The following PIGZ variants were observed in gnomAD, a reference collection of about 807,000 sequenced individuals.
PIGZ encodes the protein GPI alpha-1,2-mannosyltransferase 4.
In PIGZ, 16 loss-of-function variants were observed where a neutral mutation model predicts 16.4. The ratio of observed to expected loss-of-function variants is 0.97; its 90% CI spans 0.66 to 1.48. PIGZ has a LOEUF of 1.48. PIGZ is among the 40% of genes most tolerant of loss of function. The pLI, the probability that PIGZ is intolerant of heterozygous loss-of-function variation, is 0.00. For synonymous variants in PIGZ, 409 were observed against 338.4 expected, an observed-to-expected ratio of 1.21 and a Z score of -2.29; for missense variants, 770 against 739.2, an observed-to-expected ratio of 1.04 and a Z score of -0.48.
chr3:196,957,357 A>C (rs1415092679), intron 1 of PIGZ, among the ~76,000 whole-genome samples: 2 of 150,342 alleles, frequency 1.3e-5, no homozygotes, highest in Non-Finnish European at 3.0e-5. Flanking sequence ...TCAGTCCTGT[A>C]GGGATGGAAT....
chr3:196,961,237 C>T (rs1174884495), intron 1 of PIGZ, among the ~76,000 whole-genome samples: 2 of 152,138 alleles, frequency 1.3e-5, no homozygotes, highest in African/African-American at 4.8e-5. Flanking sequence ...TCTCCTGAGT[C>T]CTCACTTTCC....
At chr3:196,962,255 C>T (rs1717749645) in intron 1 of PIGZ, among the ~76,000 whole-genome samples, 1 of 152,154 alleles carries the variant, frequency 6.6e-6, no homozygotes, top group Non-Finnish European at 1.5e-5. Context: ...GCTTTGTTAA[C>T]AATGTGTTTG....
At chr3:196,962,458 A>C (rs946045199) in intron 1 of PIGZ, among the ~76,000 whole-genome samples, 15 of 152,152 alleles carry the variant, frequency 9.9e-5, no homozygotes, top group Non-Finnish European at 2.2e-4. Context: ...CCCCAGCCGG[A>C]CACCCATAAA....
At chr3:196,964,032 T>TTCA (rs1434193017) in intron 1 of PIGZ, among the ~76,000 whole-genome samples, 6 of 150,436 alleles carry the variant, frequency 4.0e-5, no homozygotes, top group Admixed American at 2.0e-4. Context: ...ATTTGTTTGC[T>TTCA]TTTATTTTTA....
chr3:196,948,666 C>T lies in PIGZ; in HGVS notation c.231G>A (p.Gln77=). 2.7e-6 allele frequency: 4 copies of T among 1,457,956 alleles called. No individual in the cohort carries two copies. The highest frequency in any genetic ancestry group is 3.6e-6 in the Non-Finnish European group (4 of 1,107,500). 90.3% of individuals were successfully genotyped at this position (1,457,956 alleles called of 1,614,324 possible). A position where few individuals can be genotyped will look rare whatever the true frequency, so the allele number is the denominator to read the frequency against. The part of the protein sequence containing the change: ...EVMAEDILGV[Q]AARPWEFYPS... ...GGTAAAACTCCCAGGGCCGCGCGGC[C>T]TGAACGCCCAGGATGTCCTCTGCAG... is the stretch of plus-strand genomic sequence containing the variant. The change falls in exon 3 of 3, where the codon CAG becomes CAA. Residue 77 remains glutamine (Q), a synonymous_variant. Transcript: ENST00000412723.
At position 196,965,047 on chromosome 3, in the gene PIGZ, T is replaced by C. The variant is rs1458187274; in HGVS notation, c.-1+3640A>G. 2.0e-5 allele frequency among the ~76,000 whole-genome samples: 3 copies of C among 152,090 alleles called. No individual in the cohort carries two copies. Among genetic ancestry groups the C allele is most frequent in the African/African-American group, 7.2e-5 (3 of 41,412 alleles). On this transcript the variant is annotated intron_variant, in intron 1 of 2. Coordinates refer to ENST00000412723, the MANE Select transcript of PIGZ (RefSeq NM_025163.4). This position sits in a 1 kb window ranked among gnomAD's most constrained non-coding sequence, Gnocchi z 4.2. ...GGCAGCCCAAAAGAACTCATCACCT[T>C]CCCTGGAATGAGCCCTGTCCCCATG... is the stretch of plus-strand genomic sequence containing the variant.
rs1415979791 is a variant in PIGZ, at chr3:196,946,548, A to G, written c.*609T>C. ...GGAATGACACAATGTTAGCCGGCAG[A>G]CACCTCAAAGTTCCTCTGATCCCAA... On this transcript the variant is annotated 3_prime_UTR_variant, in exon 3 of 3. Coordinates refer to ENST00000412723, the MANE Select transcript of PIGZ (RefSeq NM_025163.4). 3 of 152,310 alleles carry G rather than the reference A, an allele frequency of 2.0e-5. No homozygotes were observed. Among genetic ancestry groups the G allele is most frequent in the Non-Finnish European group, 4.4e-5 (3 of 68,114 alleles). 9.4% of individuals were successfully genotyped at this position (152,310 alleles called of 1,614,324 possible).
chr3:196,963,130 C>G (rs335822), intron 1 of PIGZ, among the ~76,000 whole-genome samples: 96,878 of 152,078 alleles, frequency 0.64, 31,204 homozygotes, highest in East Asian at 0.88. Flanking sequence ...GCAGGTATCA[C>G]TACGTCCTTA....
chr3:196,947,822 C>T lies in PIGZ; in HGVS notation c.1075G>A (p.Ala359Thr). ...AQMGLLRALG[A>T]RSLLSSPRSY... ...CTGGGGCTGGACAGCAGGCTCCGGG[C>T]ACCCAGTGCCCTCAGGAGGCCCATT... is the stretch of plus-strand genomic sequence containing the variant. Residue 359 changes from alanine (A) to threonine (T), a missense_variant, in exon 3 of 3, where the codon GCC (alanine) becomes ACC (threonine). Transcript: ENST00000412723. 3 of 1,609,388 alleles carry T rather than the reference C, an allele frequency of 1.9e-6. No individual in the cohort carries two copies. The highest frequency in any genetic ancestry group is 1.1e-5 in the South Asian group (1 of 90,798).
intron 1 of PIGZ, among the ~76,000 whole-genome samples, chr3:196,956,798 T>C (rs957867672): frequency 5.3e-5 from 8 of 152,212 alleles, no homozygotes; most frequent in African/African-American, 1.9e-4. Flanking sequence ...TACAAGTTGT[T>C]TGATTTTTTT....
In PIGZ at chr3:196,965,570, A is replaced by G. The variant is rs1442453604; in HGVS notation, c.-1+3117T>C. On this transcript the variant is annotated intron_variant, in intron 1 of 2. Coordinates refer to ENST00000412723, the MANE Select transcript of PIGZ (RefSeq NM_025163.4). The surrounding 1 kb of genome is among the most constrained non-coding windows in gnomAD (Gnocchi z 4.2). ...TTTGTCCCTGCACTACGTAATGCCAACGTTGCTTGCTAATTATTCCTTGAA... is the reference window on the plus strand; with the variant it reads ...TTTGTCCCTGCACTACGTAATGCCAGCGTTGCTTGCTAATTATTCCTTGAA... Among the ~76,000 whole-genome samples the G allele has an allele frequency of 3.3e-5, 5 of 152,154 alleles. No homozygotes were observed. In the East Asian group the frequency reaches 5.8e-4, roughly 18 times the overall value.
At position 196,951,805 on chromosome 3, in the gene PIGZ, A is replaced by G; in HGVS notation, c.211+16T>C. 1.2e-6 allele frequency: 2 copies of G among 1,613,574 alleles called. No individual in the cohort carries two copies. Among genetic ancestry groups the G allele is most frequent in the Non-Finnish European group, 1.7e-6 (2 of 1,179,646 alleles). On this transcript the variant is annotated intron_variant, in intron 2 of 2. Transcript: ENST00000412723. Reference sequence around the variant, plus strand: ...CTCTGCTGCAGCTTGTCTCAGCCACACATGCGGAGTTTTACCTGCCATCAC... The same window carrying G: ...CTCTGCTGCAGCTTGTCTCAGCCACGCATGCGGAGTTTTACCTGCCATCAC...
intron 1 of PIGZ, among the ~76,000 whole-genome samples, chr3:196,953,290 C>G (rs1362949537): frequency 6.6e-6 from 1 of 152,224 alleles, no homozygotes; most frequent in Non-Finnish European, 1.5e-5. Context: ...TGATCACCAG[C>G]TCCTATCCAC....
At chr3:196,958,486 C>G (rs1379215770) in intron 1 of PIGZ, among the ~76,000 whole-genome samples, 3 of 152,160 alleles carry the variant, frequency 2.0e-5, no homozygotes, top group Non-Finnish European at 4.4e-5. Flanking sequence ...CAAAAATTAG[C>G]AGGGCGTGGT....
chr3:196,967,372 C>G (rs1406962406), intron 1 of PIGZ, among the ~76,000 whole-genome samples: 1 of 152,158 alleles, frequency 6.6e-6, no homozygotes, highest in African/African-American at 2.4e-5. Context: ...AAGAAAGGTC[C>G]GTACCTTCAC....
intron 1 of PIGZ, among the ~76,000 whole-genome samples, chr3:196,962,286 G>T (rs985532973): frequency 6.6e-6 from 1 of 152,156 alleles, no homozygotes; most frequent in East Asian, 1.9e-4. Context: ...GCTTGGTAAA[G>T]GTCATCGCCA....
At chr3:196,967,961 C>G (rs1717998077) in intron 1 of PIGZ, among the ~76,000 whole-genome samples, 1 of 152,176 alleles carries the variant, frequency 6.6e-6, no homozygotes, top group Non-Finnish European at 1.5e-5. Flanking sequence ...CTCAGTTTTC[C>G]GAGGCAAAGG....
Position 196,947,623 on chromosome 3 carries a change from A to AG in PIGZ, c.1273dup (p.Leu425ProfsTer67). On this transcript the variant is annotated frameshift_variant, in exon 3 of 3. Coordinates refer to ENST00000412723, the MANE Select transcript of PIGZ (RefSeq NM_025163.4). LOFTEE classifies it high-confidence loss of function. ...CCCCTGATGCAGGCAGCCGAAGAGGAGGGCACCGAGGGCGTTGAAGAGGAC... is the reference window on the plus strand; with the variant it reads ...CCCCTGATGCAGGCAGCCGAAGAGGAGGGGCACCGAGGGCGTTGAAGAGGAC... The AG allele has an allele frequency of 6.2e-7, 1 of 1,612,838 alleles. No homozygotes were observed. The highest frequency in any genetic ancestry group is 1.1e-5 in the South Asian group (1 of 90,898).
At position 196,948,276 on chromosome 3, in the gene PIGZ, C is replaced by T. The variant is rs202002729; in HGVS notation, c.621G>A (p.Pro207=). 5.1e-5 allele frequency: 82 copies of T among 1,614,000 alleles called. No individual in the cohort carries two copies. Among genetic ancestry groups the T allele is most frequent in the Admixed American group, 1.7e-4 (10 of 59,992 alleles). ...GAAGCCAGCTGCGCCACCGTGGACC[C>T]GGCGCCGGCTCCTTGCGTGTAGGGC... The part of the protein sequence containing the change: ...TWGPTRKEPA[P]GPRWRSWLLG... Residue 207 remains proline (P), a synonymous_variant, in exon 3 of 3, where the codon CCG becomes CCA. Coordinates refer to ENST00000412723, the MANE Select transcript of PIGZ (RefSeq NM_025163.4).
Sources: allele counts gnomAD v4.1 joint callset (sites outside exome capture counted in the v4.1 genomes callset), GRCh38; gene constraint gnomAD v4.1.1; non-coding constraint Gnocchi (gnomAD v3.1); transcripts MANE v1.5; gene names NCBI Gene and HGNC (gene_info 2026-07-23, HGNC 2026-07-21).